Variants in ENTREP2 observed in about 807,000 individuals in gnomAD.
ENTREP2 encodes endosomal transmembrane epsin interactor 2.
chr15:29,125,529 C>CT, the ENTREP2 span, among the ~76,000 whole-genome samples: 1,350 of 152,270 alleles, frequency 8.9e-3, 10 homozygotes, highest in Admixed American at 0.013. Context: ...CGAGGGGAGA[C>CT]TGAGCCAGGA....
At chr15:29,594,563 A>G in the ENTREP2 span, among the ~76,000 whole-genome samples, 3 of 152,184 alleles carry the variant, frequency 2.0e-5, no homozygotes, top group Non-Finnish European at 4.4e-5. Flanking sequence ...AGCAATGTAC[A>G]CGGTGGCCAG....
the ENTREP2 span, among the ~76,000 whole-genome samples, chr15:29,126,032 G>A: frequency 7.2e-5 from 11 of 152,082 alleles, no homozygotes; most frequent in African/African-American, 9.7e-5. Flanking sequence ...ACTGGGCCCC[G>A]GGCCCCTTGA....
At chr15:29,212,334 TC>T in the ENTREP2 span, among the ~76,000 whole-genome samples, 1 of 152,190 alleles carries the variant, frequency 6.6e-6, no homozygotes, top group African/African-American at 2.4e-5. Flanking sequence ...CTCCCCCGTT[TC>T]ATTTCTTATT....
chr15:29,319,516 ACCAC>A, the ENTREP2 span, among the ~76,000 whole-genome samples: 1 of 152,178 alleles, frequency 6.6e-6, no homozygotes, highest in South Asian at 2.1e-4. Context: ...TGACACATAA[ACCAC>A]TGGGTGAGAA....
chr15:29,135,997 C>T, the ENTREP2 span, among the ~76,000 whole-genome samples: 19 of 152,258 alleles, frequency 1.2e-4, no homozygotes, highest in African/African-American at 4.3e-4. The surrounding 1 kb of genome is among the most constrained non-coding windows in gnomAD (Gnocchi z 7.4). Context: ...TCCCAGACCA[C>T]CTACCAGCAC....
the ENTREP2 span, among the ~76,000 whole-genome samples, chr15:29,262,239 G>T: frequency 6.6e-6 from 1 of 152,234 alleles, no homozygotes; most frequent in South Asian, 2.1e-4. Flanking sequence ...TACTGTTGGG[G>T]TTCTTTAGGC....
the ENTREP2 span, among the ~76,000 whole-genome samples, chr15:29,541,211 A>G: frequency 6.6e-6 from 1 of 152,118 alleles, no homozygotes; most frequent in Non-Finnish European, 1.5e-5. Context: ...GACTCACCAG[A>G]CCCACCTTGG....
chr15:29,264,742 C>G, the ENTREP2 span, among the ~76,000 whole-genome samples: 5 of 152,248 alleles, frequency 3.3e-5, no homozygotes, highest in East Asian at 9.6e-4. Context: ...TTATTTTGCA[C>G]TGGGCTTGCA....
the ENTREP2 span, among the ~76,000 whole-genome samples, chr15:29,173,584 T>G: frequency 1.3e-5 from 2 of 152,172 alleles, no homozygotes; most frequent in South Asian, 4.1e-4. Flanking sequence ...CGCCAGGGTG[T>G]GCAGAGCCAC....
chr15:29,607,957 G>A, the ENTREP2 span, among the ~76,000 whole-genome samples: 4 of 152,138 alleles, frequency 2.6e-5, no homozygotes, highest in African/African-American at 9.7e-5. Context: ...AGGAGAGCCG[G>A]TCCGAGTCCC....
chr15:29,172,361 A>T, the ENTREP2 span, among the ~76,000 whole-genome samples: 2 of 152,178 alleles, frequency 1.3e-5, no homozygotes, highest in Non-Finnish European at 2.9e-5. Flanking sequence ...CTCTCATTCA[A>T]TTCCAAGGAG....
At chr15:29,159,894 C>T in the ENTREP2 span, among the ~76,000 whole-genome samples, 1 of 152,280 alleles carries the variant, frequency 6.6e-6, no homozygotes, top group Admixed American at 6.5e-5. Flanking sequence ...GCAGGTGGAG[C>T]TGCCTGCCAG....
chr15:29,322,348 C>T, the ENTREP2 span, among the ~76,000 whole-genome samples: 4 of 152,176 alleles, frequency 2.6e-5, no homozygotes, highest in African/African-American at 7.2e-5. Flanking sequence ...ATAGTCACCA[C>T]ATTGTGCAGT....
chr15:29,224,584 C>T, the ENTREP2 span, among the ~76,000 whole-genome samples: 2 of 152,192 alleles, frequency 1.3e-5, no homozygotes, highest in Non-Finnish European at 2.9e-5. Context: ...TCCACCTCCT[C>T]ACTAGATTAG....
At chr15:29,336,588 G>A in the ENTREP2 span, among the ~76,000 whole-genome samples, 1 of 152,096 alleles carries the variant, frequency 6.6e-6, no homozygotes, top group Non-Finnish European at 1.5e-5. Flanking sequence ...TGGAATTACA[G>A]ATGTGAGCCA....
chr15:29,523,269 CA>C, the ENTREP2 span, among the ~76,000 whole-genome samples: 3 of 152,122 alleles, frequency 2.0e-5, no homozygotes, highest in Non-Finnish European at 2.9e-5. Context: ...GTACAAAAAT[CA>C]ATACACAGAA....
the ENTREP2 span, among the ~76,000 whole-genome samples, chr15:29,542,546 C>T: frequency 6.6e-5 from 10 of 152,094 alleles, no homozygotes; most frequent in Admixed American, 1.3e-4. Context: ...CCTCGTGATC[C>T]GCCCACCTCG....
At chr15:29,290,310 G>A in the ENTREP2 span, among the ~76,000 whole-genome samples, 278 of 152,266 alleles carry the variant, frequency 1.8e-3, no homozygotes, top group African/African-American at 6.5e-3. Flanking sequence ...CTCTGCACGG[G>A]TTGTCCTCTC....
chr15:29,314,539 G>A, the ENTREP2 span, among the ~76,000 whole-genome samples: 40,311 of 152,034 alleles, frequency 0.27, 5,631 homozygotes, highest in Non-Finnish European at 0.31. Flanking sequence ...CAAGGTATAT[G>A]TATAATTTTT....
Sources: allele counts gnomAD v4.1 joint callset (sites outside exome capture counted in the v4.1 genomes callset), GRCh38; gene constraint gnomAD v4.1.1; non-coding constraint Gnocchi (gnomAD v3.1); transcripts MANE v1.5; gene names NCBI Gene and HGNC (gene_info 2026-07-23, HGNC 2026-07-21).